Variants in LYPD6B observed in about 807,000 individuals in gnomAD.
LYPD6B encodes the protein LY6/PLAUR domain containing 6B, also known as ly6/PLAUR domain-containing protein 6B.
In LYPD6B, 17 loss-of-function variants were observed where a neutral mutation model predicts 22.8. That is an observed-to-expected ratio of 0.75 (90% CI 0.51 to 1.12). The LOEUF is 1.12. Ranked by LOEUF, LYPD6B falls within the 50% of genes most tolerant of loss-of-function variation. The probability of loss-of-function intolerance (pLI) is 0.00; values close to 1 mark genes in which losing one functional copy is unlikely to be tolerated. For synonymous variants in LYPD6B, 106 were observed against 91.6 expected, an observed-to-expected ratio of 1.16 and a Z score of -0.90; for missense variants, 221 against 258.3, an observed-to-expected ratio of 0.86 and a Z score of 0.99.
chr2:149,080,061 A>G (rs73963332), intron 1 of LYPD6B, among the ~76,000 whole-genome samples: 1,903 of 152,318 alleles, frequency 0.012, 38 homozygotes, highest in African/African-American at 0.044. Context: ...AAGAGTTGCC[A>G]TAACAGAGTA....
chr2:149,139,319 G>A (rs76064887), intron 2 of LYPD6B, among the ~76,000 whole-genome samples: 3,487 of 152,250 alleles, frequency 0.023, 63 homozygotes, highest in Middle Eastern at 0.037. Flanking sequence ...GTCGTCAAAG[G>A]CTGCTGTTGT....
At chr2:149,167,512 AG>A (rs1168348911) in intron 3 of LYPD6B, among the ~76,000 whole-genome samples, 1 of 152,132 alleles carries the variant, frequency 6.6e-6, no homozygotes, top group Non-Finnish European at 1.5e-5. Flanking sequence ...GCCCAGGAGA[AG>A]GATGTGAGTG....
chr2:149,164,973 A>G (rs2105901550), intron 3 of LYPD6B, among the ~76,000 whole-genome samples: 1 of 152,296 alleles, frequency 6.6e-6, no homozygotes, highest in African/African-American at 2.4e-5. Context: ...GTGGGTCAGC[A>G]ATTTGGGCAC....
chr2:149,165,656 C>A (rs1690370656), intron 3 of LYPD6B, among the ~76,000 whole-genome samples: 1 of 152,092 alleles, frequency 6.6e-6, no homozygotes, highest in South Asian at 2.1e-4. Flanking sequence ...TTATCCCTAA[C>A]TTATAGGTGA....
chr2:149,194,254 A>G (rs1274476692), intron 3 of LYPD6B, among the ~76,000 whole-genome samples: 2 of 152,144 alleles, frequency 1.3e-5, no homozygotes, highest in African/African-American at 4.8e-5. Context: ...CTTACACTTC[A>G]TAGTAAAGAG....
At chr2:149,104,966 T>C (rs1272061093) in intron 1 of LYPD6B, among the ~76,000 whole-genome samples, 1 of 152,224 alleles carries the variant, frequency 6.6e-6, no homozygotes, top group Non-Finnish European at 1.5e-5. Context: ...GATGTGATGT[T>C]TCAATGCATG....
chr2:149,139,701 C>T (rs1688571876), intron 2 of LYPD6B, among the ~76,000 whole-genome samples: 1 of 152,080 alleles, frequency 6.6e-6, no homozygotes, highest in South Asian at 2.1e-4. Flanking sequence ...TTCAAATTTG[C>T]CGTGTTTCAA....
chr2:149,098,627 C>CAAA (rs1285429577), intron 1 of LYPD6B, among the ~76,000 whole-genome samples: 65 of 82,812 alleles, frequency 7.8e-4, no homozygotes, highest in Middle Eastern at 7.4e-3. Flanking sequence ...AACTCTGTCT[C>CAAA]AAAAAAAAAA....
At chr2:149,197,331 G>A (rs1455107905) in intron 3 of LYPD6B, among the ~76,000 whole-genome samples, 5 of 152,182 alleles carry the variant, frequency 3.3e-5, no homozygotes, top group Non-Finnish European at 5.9e-5. Context: ...GGCCAACATG[G>A]TGAAACCCCG....
chr2:149,072,516 T>TATTTTATTTTATTTTATTTTATTTC (rs1356055062), intron 1 of LYPD6B, among the ~76,000 whole-genome samples: 6 of 148,370 alleles, frequency 4.0e-5, no homozygotes, highest in Non-Finnish European at 8.9e-5. Flanking sequence ...TATTTTATTT[T>TATTTTATTTTATTTTATTTTATTTC]ATTTTATTTT....
At chr2:149,075,893 T>C (rs1322853491) in intron 1 of LYPD6B, among the ~76,000 whole-genome samples, 3 of 152,200 alleles carry the variant, frequency 2.0e-5, no homozygotes, top group Admixed American at 6.5e-5. Context: ...TTCGGCAGTG[T>C]TGGTGGATGA....
chr2:149,049,947 G>A (rs1558967788), intron 1 of LYPD6B, among the ~76,000 whole-genome samples: 1 of 152,168 alleles, frequency 6.6e-6, no homozygotes, highest in Non-Finnish European at 1.5e-5. Flanking sequence ...CAGTAGCTAA[G>A]AGAATCTGTA....
intron 3 of LYPD6B, among the ~76,000 whole-genome samples, chr2:149,193,442 G>GCA (rs1692619488): frequency 6.6e-6 from 1 of 151,684 alleles, no homozygotes; most frequent in Non-Finnish European, 1.5e-5. Context: ...CTCAATGTGT[G>GCA]TTTCCAGCTG....
intron 2 of LYPD6B, among the ~76,000 whole-genome samples, chr2:149,133,101 C>A (rs1362680539): frequency 5.9e-5 from 9 of 152,104 alleles, no homozygotes; most frequent in African/African-American, 2.2e-4. Context: ...TAAAGGGTCC[C>A]ACAGACTCAT....
chr2:149,123,487 C>T (rs543640028), intron 1 of LYPD6B, among the ~76,000 whole-genome samples: 79 of 152,082 alleles, frequency 5.2e-4, no homozygotes, highest in African/African-American at 1.8e-3. Context: ...ACAATTACTA[C>T]GCGGAGGAAA....
intron 1 of LYPD6B, among the ~76,000 whole-genome samples, chr2:149,047,702 A>C (rs1683375051): frequency 6.6e-6 from 1 of 151,950 alleles, no homozygotes; most frequent in Admixed American, 6.6e-5. Flanking sequence ...TATTTTTTCA[A>C]ATATTTCTTC....
Position 149,133,601 on chromosome 2 carries a change from A to T in LYPD6B, c.5+2648A>T, listed in dbSNP as rs570435631. 7.2e-5 allele frequency among the ~76,000 whole-genome samples: 11 copies of T among 152,360 alleles called. No homozygotes were observed. In the East Asian group the frequency reaches 1.2e-3, roughly 16 times the overall value. ...AACCACTAAGTCGAAATACATTCAC[A>T]TGTCGGCTTGTAAGGTATAATCCTA... On this transcript the variant is annotated intron_variant, in intron 2 of 6. Transcript: ENST00000409642.
intron 1 of LYPD6B, among the ~76,000 whole-genome samples, chr2:149,047,345 C>T (rs1361488747): frequency 6.6e-6 from 1 of 151,890 alleles, no homozygotes; most frequent in Non-Finnish European, 1.5e-5. Context: ...TACGCTTGAT[C>T]TTAGCTAAAA....
chr2:149,106,436 C>T (rs548432954), intron 1 of LYPD6B, among the ~76,000 whole-genome samples: 60 of 152,222 alleles, frequency 3.9e-4, no homozygotes, highest in African/African-American at 1.3e-3. Flanking sequence ...TTTTTAACTA[C>T]AAATACAATT....
Sources: gnomAD v4.1 joint callset for allele counts (sites outside exome capture counted in the v4.1 genomes callset) on GRCh38, gnomAD v4.1.1 for gene constraint, MANE v1.5 for transcripts, NCBI Gene and HGNC (gene_info 2026-07-23, HGNC 2026-07-21) for gene names.